The following KLRD1 variants were observed in gnomAD, a reference collection of about 807,000 sequenced individuals.
KLRD1 encodes natural killer cells antigen CD94.
Under a neutral mutation model 22.6 loss-of-function variants are expected in KLRD1, and 21 were observed. The ratio of observed to expected loss-of-function variants is 0.93; its 90% CI spans 0.66 to 1.34. KLRD1 has a LOEUF of 1.34. Ranked by LOEUF, KLRD1 falls within the 40% of genes most tolerant of loss-of-function variation. The pLI, the probability that KLRD1 is intolerant of heterozygous loss-of-function variation, is 0.00. For missense variants in KLRD1, 183 were observed against 208.6 expected (o/e 0.88, Z 0.76); for synonymous variants, 59 against 71.1 (o/e 0.83, Z 0.85).
At chr12:10,304,696 GCC>G (rs1438401337), upstream of KLRD1, 1 of 152,182 alleles carries the variant, frequency 6.6e-6, no homozygotes, top group Non-Finnish European at 1.5e-5. Flanking sequence ...GAGCCACTAT[GCC>G]CAGCCTTAGT....
At chr12:10,295,228 C>T (rs769910305) in intron 1 of KLRD1, among the ~76,000 whole-genome samples, 3 of 151,994 alleles carry the variant, frequency 2.0e-5, no homozygotes, top group Admixed American at 6.6e-5. Flanking sequence ...ATTGTAACCA[C>T]GTATCTGTAT....
At chr12:10,271,626 C>A (rs962268831) in intron 1 of KLRD1, among the ~76,000 whole-genome samples, 2 of 152,132 alleles carry the variant, frequency 1.3e-5, no homozygotes, top group Middle Eastern at 3.4e-3. Flanking sequence ...GAACAATGAA[C>A]TTTGAGGTCT....
Position 10,315,215 on chromosome 12 carries a change from C to T in KLRD1, c.*422C>T. On this transcript the variant is annotated 3_prime_UTR_variant, in exon 6 of 6. Transcript: ENST00000336164. ...TGGCAAGATCATAGCTCATTGCAAGCTCAAGTGATCCTCCTGACTCAGCCT... is the reference window on the plus strand; with the variant it reads ...TGGCAAGATCATAGCTCATTGCAAGTTCAAGTGATCCTCCTGACTCAGCCT... 4.9e-6 allele frequency: 2 copies of T among 410,672 alleles called. No homozygotes were observed. The highest frequency in any genetic ancestry group is 3.5e-5 in the South Asian group (2 of 57,850). The allele number at this position is 410,672 out of a possible 1,614,324, so 25.4% of individuals were successfully genotyped here.
chr12:10,264,293 G>A (rs1446577089), intron 1 of KLRD1, among the ~76,000 whole-genome samples: 1 of 151,984 alleles, frequency 6.6e-6, no homozygotes, highest in South Asian at 2.1e-4. Flanking sequence ...CTCCCTTTTG[G>A]TTACTAGGAC....
intron 1 of KLRD1, among the ~76,000 whole-genome samples, chr12:10,263,985 G>A (rs1366182657): frequency 6.6e-6 from 1 of 151,986 alleles, no homozygotes; most frequent in East Asian, 1.9e-4. Flanking sequence ...TTAGTTGAAC[G>A]TGAAACAACC....
intron 1 of KLRD1, among the ~76,000 whole-genome samples, chr12:10,283,699 G>A (rs1042402716): frequency 2.0e-5 from 3 of 152,080 alleles, no homozygotes; most frequent in Non-Finnish European, 4.4e-5. Context: ...CTACCTGGAA[G>A]CTGGTTAGCC....
At chr12:10,238,980 A>C (rs1949208252) in intron 1 of KLRD1, among the ~76,000 whole-genome samples, 6 of 152,218 alleles carry the variant, frequency 3.9e-5, no homozygotes, top group Admixed American at 3.3e-4. Flanking sequence ...CTTTGAAGGG[A>C]GTCTTAGGTT....
intron 1 of KLRD1, among the ~76,000 whole-genome samples, chr12:10,282,307 GGT>G (rs1949652558): frequency 6.6e-6 from 1 of 150,916 alleles, no homozygotes; most frequent in Non-Finnish European, 1.5e-5. Flanking sequence ...CCCAGGCTGG[GGT>G]GTAATGGCAT....
upstream of KLRD1, among the ~76,000 whole-genome samples, chr12:10,306,866 T>TA (rs1183326579): frequency 6.6e-6 from 1 of 152,210 alleles, no homozygotes; most frequent in East Asian, 1.9e-4. Context: ...TTCTTTCATT[T>TA]TTTTCTGTTG....
At chr12:10,296,858 A>C (rs570079909) in intron 1 of KLRD1, among the ~76,000 whole-genome samples, 4 of 152,194 alleles carry the variant, frequency 2.6e-5, no homozygotes, top group Non-Finnish European at 5.9e-5. Context: ...AGGGGTTTAT[A>C]AATTCTCTAC....
chr12:10,248,530 T>TTCC (rs1949313720), intron 1 of KLRD1, among the ~76,000 whole-genome samples: 3 of 96,586 alleles, frequency 3.1e-5, no homozygotes, highest in East Asian at 3.1e-4. Context: ...TGTATTTTCT[T>TTCC]TTCCTTCCTT....
rs535649893 is a variant in KLRD1 at position 10,323,585 on chromosome 12, C to G, written c.*8792C>G. 1 of 151,958 alleles carries G rather than the reference C, an allele frequency of 6.6e-6. No homozygotes were observed. Among genetic ancestry groups the G allele is most frequent in the Non-Finnish European group, 1.5e-5 (1 of 67,986 alleles). The allele number at this position is 151,958 out of a possible 1,614,324, so 9.4% of individuals were successfully genotyped here. On this transcript the variant is annotated 3_prime_UTR_variant, in exon 6 of 6. Coordinates refer to ENST00000336164, the MANE Select transcript of KLRD1 (RefSeq NM_002262.5). ...TATGACATTTGATGTATTTCCATAT[C>G]TATGCATCTGTGAAACCATCACCTC...
At position 10,318,351 on chromosome 12, in the gene KLRD1, T is replaced by A. The variant is rs1370813896; in HGVS notation, c.*3558T>A. 6.6e-6 allele frequency: 1 copy of A among 152,102 alleles called. No individual in the cohort carries two copies. The highest frequency in any genetic ancestry group is 6.5e-5 in the Admixed American group (1 of 15,268). The allele number at this position is 152,102 out of a possible 1,614,324, so 9.4% of individuals were successfully genotyped here. A position where few individuals can be genotyped will look rare whatever the true frequency, so the allele number is the denominator to read the frequency against. On this transcript the variant is annotated 3_prime_UTR_variant, in exon 6 of 6. Coordinates refer to ENST00000336164, the MANE Select transcript of KLRD1 (RefSeq NM_002262.5). Reference sequence around the variant, plus strand: ...AGCTTCCATATGAGATAATTACAGATCTTGTCTCTGCTGTGTGACCAGACA... The same window carrying A: ...AGCTTCCATATGAGATAATTACAGAACTTGTCTCTGCTGTGTGACCAGACA...
At chr12:10,282,994 A>G (rs2137656220) in intron 1 of KLRD1, among the ~76,000 whole-genome samples, 1 of 152,344 alleles carries the variant, frequency 6.6e-6, no homozygotes. Flanking sequence ...AGGTTGATGT[A>G]TTCGTGAATG....
chr12:10,252,107 A>G (rs1179644051), intron 1 of KLRD1, among the ~76,000 whole-genome samples: 3 of 152,144 alleles, frequency 2.0e-5, no homozygotes, highest in Non-Finnish European at 4.4e-5. Flanking sequence ...CTTTTTGCTT[A>G]TTGAAGTGGA....
At chr12:10,242,071 G>T (rs200074810) in intron 1 of KLRD1, among the ~76,000 whole-genome samples, 81 of 99,376 alleles carry the variant, frequency 8.2e-4, no homozygotes, top group East Asian at 1.2e-3. Context: ...TGTTCTTGCT[G>T]TTTTTTTTTT....
At chr12:10,308,443 CTATT>C (rs1042197044) in intron 1 of KLRD1, 6 of 245,436 alleles carry the variant, frequency 2.4e-5, no homozygotes, top group South Asian at 1.3e-4. Context: ...TTTTAATTGA[CTATT>C]TATGTTGTGA....
Position 10,307,886 on chromosome 12 carries a change from A to C in KLRD1, c.-192A>C, listed in dbSNP as rs1381006262. The C allele has an allele frequency of 3.3e-6, 2 of 599,686 alleles. No individual in the cohort carries two copies. The highest frequency in any genetic ancestry group is 3.7e-5 in the African/African-American group (2 of 53,808). 37.1% of individuals were successfully genotyped at this position (599,686 alleles called of 1,614,324 possible). ...CTGCTTCTTATTCACACTATAATACATGTCTCACCAATAGATGATTCAAGA... is the reference window on the plus strand; with the variant it reads ...CTGCTTCTTATTCACACTATAATACCTGTCTCACCAATAGATGATTCAAGA... On this transcript the variant is annotated 5_prime_UTR_variant, in exon 1 of 6. An upstream start codon of the reference 5' UTR is lost. Transcript: ENST00000336164.
chr12:10,253,270 C>T (rs1430791462), intron 1 of KLRD1, among the ~76,000 whole-genome samples: 3 of 152,092 alleles, frequency 2.0e-5, no homozygotes, highest in South Asian at 2.1e-4. Flanking sequence ...TGCTTTTAGG[C>T]GTACGTTGGG....
Sources: gnomAD v4.1 joint callset for allele counts (sites outside exome capture counted in the v4.1 genomes callset) on GRCh38, gnomAD v4.1.1 for gene constraint, MANE v1.5 for transcripts, NCBI Gene and HGNC (gene_info 2026-07-23, HGNC 2026-07-21) for gene names.